TGFA: variants seen among roughly 807,000 people sequenced by gnomAD.
The protein encoded by TGFA is protransforming growth factor alpha.
TGFA carries 12 observed loss-of-function variants against 21.7 expected under a neutral mutation model. The observed-to-expected ratio is 0.55, with a 90% CI of 0.35 to 0.90. The LOEUF (loss-of-function observed/expected upper bound fraction) is 0.90. Among genes scored for constraint, TGFA ranks in the 40% least tolerant of loss-of-function variants. The pLI is 0.01. For synonymous variants in TGFA, 79 were observed against 88.1 expected, an observed-to-expected ratio of 0.90 and a Z score of 0.58; for missense variants, 178 against 210.8, an observed-to-expected ratio of 0.84 and a Z score of 0.96.
At chr2:70,484,170 G>T (rs1671206388) in intron 2 of TGFA, among the ~76,000 whole-genome samples, 1 of 152,158 alleles carries the variant, frequency 6.6e-6, no homozygotes, top group Non-Finnish European at 1.5e-5. Context: ...TTCTGATCAA[G>T]ACTGCATTCA....
intron 1 of TGFA, among the ~76,000 whole-genome samples, chr2:70,520,376 G>C (rs536379084): frequency 1.3e-5 from 2 of 150,838 alleles, no homozygotes; most frequent in African/African-American, 4.9e-5. Flanking sequence ...TCAGCTGGGT[G>C]TGGTGGTGGG....
chr2:70,471,109 AC>A (rs3836154), intron 2 of TGFA, among the ~76,000 whole-genome samples: 9 of 107,284 alleles, frequency 8.4e-5, no homozygotes, highest in Admixed American at 5.0e-4. Context: ...TCCTCCCCGC[AC>A]CCCCCCCACC....
chr2:70,487,961 A>C (rs1452446421), intron 2 of TGFA, among the ~76,000 whole-genome samples: 2 of 152,104 alleles, frequency 1.3e-5, no homozygotes, highest in African/African-American at 4.8e-5. Context: ...TTTCTTCATA[A>C]CCGTTCCAAT....
chr2:70,522,478 A>G (rs1288007226), intron 1 of TGFA, among the ~76,000 whole-genome samples: 3 of 152,152 alleles, frequency 2.0e-5, no homozygotes, highest in African/African-American at 7.2e-5. Flanking sequence ...TCTGTTGCCC[A>G]GGCTGGAGTA....
chr2:70,467,087 G>A (rs7575117), intron 2 of TGFA, among the ~76,000 whole-genome samples: 30,010 of 151,928 alleles, frequency 0.2, 3,330 homozygotes, highest in African/African-American at 0.29. Context: ...ACTAATGCAT[G>A]CTGGGCTTAA....
Position 70,450,604 on chromosome 2 carries a change from G to GTCTC in TGFA, c.*251_*254dup, listed in dbSNP as rs1670023468. ...ACCTCACCTAGGTGAACAGGAGTCC[G>GTCTC]TCTCTTTGCAGTTCTTTTTTAACAA... On this transcript the variant is annotated 3_prime_UTR_variant, in exon 6 of 6. Transcript: ENST00000295400. The GTCTC allele has an allele frequency of 5.9e-6, 3 of 511,920 alleles. No homozygotes were observed. The East Asian group carries it at 9.4e-5, about 16-fold the overall frequency. The allele number at this position is 511,920 out of a possible 1,614,324, so 31.7% of individuals were successfully genotyped here. A position where few individuals can be genotyped will look rare whatever the true frequency, so the allele number is the denominator to read the frequency against.
rs72910074 is a variant in TGFA at position 70,526,064 on chromosome 2, G to A, written c.41-11152C>T. 5.8e-3 allele frequency among the ~76,000 whole-genome samples: 881 copies of A among 152,286 alleles called. 8 individuals carry two copies. The highest frequency in any genetic ancestry group is 0.019 in the African/African-American group (785 of 41,558). ...AACTCAGGGGAAATGCAACAAGCTT[G>A]TAGTCACATGAGCAGACAGGGCCAC... On this transcript the variant is annotated intron_variant, in intron 1 of 5. Coordinates refer to ENST00000295400, the MANE Select transcript of TGFA (RefSeq NM_003236.4).
intron 2 of TGFA, among the ~76,000 whole-genome samples, chr2:70,499,714 T>A (rs1489005077): frequency 6.6e-6 from 1 of 152,188 alleles, no homozygotes; most frequent in Admixed American, 6.5e-5. Flanking sequence ...GCACTAGGGG[T>A]TCATCCGTAT....
rs11466273 is a variant in TGFA at position 70,451,249 on chromosome 2, CCT to C, written c.476-385_476-384del. ...GGGCTCTGGTGGCAGAAAGGCTTCC[CCT>C]GAGGCCATACAAGAATGGACCCATT... On this transcript the variant is annotated intron_variant, in intron 5 of 5. Transcript: ENST00000295400. Among the ~76,000 whole-genome samples, 1,300 of 152,318 alleles carry C rather than the reference CCT, an allele frequency of 8.5e-3. 15 individuals carry two copies. Among genetic ancestry groups the C allele is most frequent in the African/African-American group, 0.029 (1,219 of 41,556 alleles).
chr2:70,499,578 G>T lies in TGFA; in HGVS notation c.94+15281C>A, dbSNP rs868977844. ...CAACAGCCTATGGTCCACACTTTTAGAAGTAACCTCGATGCCATATTAACT... is the reference window on the plus strand; with the variant it reads ...CAACAGCCTATGGTCCACACTTTTATAAGTAACCTCGATGCCATATTAACT... On this transcript the variant is annotated intron_variant, in intron 2 of 5. Transcript: ENST00000295400. Among the ~76,000 whole-genome samples, 10 of 152,356 alleles carry T rather than the reference G, an allele frequency of 6.6e-5. 1 individual carries two copies. Among genetic ancestry groups the T allele is most frequent in the Middle Eastern group, 3.4e-3 (1 of 294 alleles).
At chr2:70,552,287 G>A (rs1475220818) in intron 1 of TGFA, among the ~76,000 whole-genome samples, 1 of 152,142 alleles carries the variant, frequency 6.6e-6, no homozygotes, top group Admixed American at 6.5e-5. Flanking sequence ...TAAAGCACTT[G>A]GACTGTGTCT....
intron 1 of TGFA, among the ~76,000 whole-genome samples, chr2:70,532,058 A>G (rs1672827088): frequency 6.6e-6 from 1 of 152,234 alleles, no homozygotes; most frequent in African/African-American, 2.4e-5. Flanking sequence ...GCAGTACACA[A>G]GAATATCAAC....
chr2:70,549,369 A>G (rs1490495812), intron 1 of TGFA, among the ~76,000 whole-genome samples: 2 of 152,222 alleles, frequency 1.3e-5, no homozygotes, highest in Non-Finnish European at 2.9e-5. Context: ...CCTAACAGCA[A>G]CTGACTGAAA....
chr2:70,482,050 T>C (rs1325166372), intron 2 of TGFA, among the ~76,000 whole-genome samples: 1 of 152,150 alleles, frequency 6.6e-6, no homozygotes, highest in African/African-American at 2.4e-5. Flanking sequence ...ACACTTTGAG[T>C]TTCTATAAGT....
chr2:70,532,627 C>T (rs970314352), intron 1 of TGFA, among the ~76,000 whole-genome samples: 1 of 152,182 alleles, frequency 6.6e-6, no homozygotes, highest in Non-Finnish European at 1.5e-5. Context: ...AAAAAACATA[C>T]ACTAGGCTCC....
At chr2:70,540,023 A>C (rs1174822683) in intron 1 of TGFA, among the ~76,000 whole-genome samples, 1 of 152,152 alleles carries the variant, frequency 6.6e-6, no homozygotes, top group Non-Finnish European at 1.5e-5. Context: ...TTCTTATAAA[A>C]CACTAAGTTC....
intron 1 of TGFA, among the ~76,000 whole-genome samples, chr2:70,535,185 G>A (rs531099796): frequency 2.7e-5 from 4 of 150,466 alleles, no homozygotes; most frequent in African/African-American, 7.4e-5. Flanking sequence ...TTAGAAGAAA[G>A]CACCCTTGCC....
chr2:70,471,109 A>ACC (rs3836154), intron 2 of TGFA, among the ~76,000 whole-genome samples: 39 of 107,280 alleles, frequency 3.6e-4, no homozygotes, highest in East Asian at 1.5e-3. Flanking sequence ...TCCTCCCCGC[A>ACC]CCCCCCCCAC....
At chr2:70,503,812 C>T (rs1324170356) in intron 2 of TGFA, among the ~76,000 whole-genome samples, 2 of 152,210 alleles carry the variant, frequency 1.3e-5, no homozygotes, top group South Asian at 2.1e-4. Context: ...GACCTAGAGG[C>T]CCCGTCCTTG....
Sources: gnomAD v4.1 joint callset for allele counts (sites outside exome capture counted in the v4.1 genomes callset) on GRCh38, gnomAD v4.1.1 for gene constraint, MANE v1.5 for transcripts, NCBI Gene and HGNC (gene_info 2026-07-23, HGNC 2026-07-21) for gene names.